Variants in MAGI3 observed in about 807,000 individuals in gnomAD.
MAGI3 encodes the protein membrane associated guanylate kinase, WW and PDZ domain containing 3, also known as membrane-associated guanylate kinase, WW and PDZ domain-containing protein 3.
MAGI3 carries 43 observed loss-of-function variants against 121.8 expected under a neutral mutation model. That is an observed-to-expected ratio of 0.35 (90% CI 0.28 to 0.46). MAGI3 has a LOEUF of 0.46. Among genes scored for constraint, MAGI3 ranks in the 20% least tolerant of loss-of-function variants. MAGI3 has a pLI of 1.00. For missense variants in MAGI3, 1,547 were observed against 1,797.3 expected, an observed-to-expected ratio of 0.86 and a Z score of 2.52; for synonymous variants, 553 against 639.3, an observed-to-expected ratio of 0.86 and a Z score of 2.04.
chr1:113,518,736 G>T (rs1207990791), intron 1 of MAGI3, among the ~76,000 whole-genome samples: 1 of 151,984 alleles, frequency 6.6e-6, no homozygotes, highest in African/African-American at 2.4e-5. Flanking sequence ...TTCTGTAATA[G>T]AAAAACATGT....
intron 16 of MAGI3, among the ~76,000 whole-genome samples, chr1:113,668,818 A>G (rs1415435011): frequency 3.3e-5 from 5 of 151,078 alleles, no homozygotes; most frequent in African/African-American, 1.2e-4. Context: ...TCCTGACCTC[A>G]TGATCCACCC....
intron 9 of MAGI3, 110 bp downstream of exon 9, chr1:113,623,104 A>G: frequency 1.3e-6 from 1 of 742,934 alleles, no homozygotes; most frequent in African/African-American, 1.9e-5. Flanking sequence ...ATATAACTAA[A>G]GAAAGAGATT....
At chr1:113,624,439 T>C (rs1443331704) in intron 9 of MAGI3, among the ~76,000 whole-genome samples, 1 of 152,256 alleles carries the variant, frequency 6.6e-6, no homozygotes, top group Non-Finnish European at 1.5e-5. Context: ...TGCTTTTGAT[T>C]TGTATTTATC....
At chr1:113,451,837 A>G (rs1654499968) in intron 1 of MAGI3, among the ~76,000 whole-genome samples, 1 of 152,194 alleles carries the variant, frequency 6.6e-6, no homozygotes, top group South Asian at 2.1e-4. Context: ...TGTGATGTTA[A>G]TTGCTATGGC....
At chr1:113,640,344 C>T (rs950035088) in intron 9 of MAGI3, among the ~76,000 whole-genome samples, 1 of 152,056 alleles carries the variant, frequency 6.6e-6, no homozygotes, top group Non-Finnish European at 1.5e-5. Context: ...GATCTTGAAC[C>T]AGAAATACCA....
At chr1:113,574,586 T>C (rs1337848457) in intron 2 of MAGI3, among the ~76,000 whole-genome samples, 1 of 152,216 alleles carries the variant, frequency 6.6e-6, no homozygotes, top group African/African-American at 2.4e-5. Flanking sequence ...CCTTTGTAGG[T>C]AGTCTGACCT....
At chr1:113,589,709 G>A (rs1436411644) in intron 4 of MAGI3, among the ~76,000 whole-genome samples, 1 of 152,020 alleles carries the variant, frequency 6.6e-6, no homozygotes, top group Non-Finnish European at 1.5e-5. Flanking sequence ...GCCATTGCCT[G>A]CAATTTGAAG....
intron 1 of MAGI3, among the ~76,000 whole-genome samples, chr1:113,411,072 A>G (rs2101333331): frequency 6.6e-6 from 1 of 152,310 alleles, no homozygotes; most frequent in East Asian, 1.9e-4. Context: ...CATTTTAAAA[A>G]GTTGAATCAG....
intron 16 of MAGI3, among the ~76,000 whole-genome samples, chr1:113,666,620 T>A (rs1654056306): frequency 6.6e-6 from 1 of 152,240 alleles, no homozygotes; most frequent in South Asian, 2.1e-4. Flanking sequence ...CCATGGGAAC[T>A]AGAATCAAAT....
chr1:113,505,189 G>T (rs1294147458), intron 1 of MAGI3, among the ~76,000 whole-genome samples: 1 of 152,102 alleles, frequency 6.6e-6, no homozygotes, highest in Non-Finnish European at 1.5e-5. Context: ...CAAAGAGCAA[G>T]TCAAGACTCA....
intron 9 of MAGI3, among the ~76,000 whole-genome samples, chr1:113,639,365 C>T (rs1005309110): frequency 2.6e-5 from 4 of 152,142 alleles, no homozygotes; most frequent in Admixed American, 1.3e-4. Flanking sequence ...TGTTCCTATT[C>T]GGCCATCTCG....
intron 2 of MAGI3, among the ~76,000 whole-genome samples, chr1:113,552,008 T>C (rs897969302): frequency 6.6e-6 from 1 of 152,140 alleles, no homozygotes; most frequent in African/African-American, 2.4e-5. Context: ...CTACGAAATA[T>C]AAGGTAATCA....
At chr1:113,419,520 G>A (rs1291813811) in intron 1 of MAGI3, among the ~76,000 whole-genome samples, 1 of 152,168 alleles carries the variant, frequency 6.6e-6, no homozygotes, top group African/African-American at 2.4e-5. Context: ...AGGCATCTTT[G>A]TTGGAGAGAA....
chr1:113,559,487 A>C (rs1218437140), intron 2 of MAGI3, among the ~76,000 whole-genome samples: 1 of 152,244 alleles, frequency 6.6e-6, no homozygotes, highest in Non-Finnish European at 1.5e-5. Context: ...ATAATGGTAA[A>C]GGGTTCAATT....
chr1:113,429,587 A>G (rs893203884), intron 1 of MAGI3, among the ~76,000 whole-genome samples: 16 of 152,178 alleles, frequency 1.1e-4, no homozygotes, highest in Non-Finnish European at 2.1e-4. Context: ...GTGAAGTTAC[A>G]TAGTTACACC....
At chr1:113,606,840 T>C (rs1195190601) in intron 6 of MAGI3, among the ~76,000 whole-genome samples, 1 of 152,196 alleles carries the variant, frequency 6.6e-6, no homozygotes. Context: ...CTTTTTCTTT[T>C]TTCTCTTTTT....
chr1:113,580,769 T>TC, intron 3 of MAGI3, 108 bp downstream of exon 3: 1 of 1,111,708 alleles, frequency 9.0e-7, no homozygotes, highest in Non-Finnish European at 1.2e-6. Flanking sequence ...AAACTTTTTT[T>TC]CCTCTCTGTT....
intron 9 of MAGI3, among the ~76,000 whole-genome samples, chr1:113,629,770 C>A: frequency 8.2e-6 from 1 of 121,964 alleles, no homozygotes; most frequent in African/African-American, 3.4e-5. Context: ...CTCCCTCCCT[C>A]CCTCCCTCCC....
intron 5 of MAGI3, 32 bp downstream of exon 5, chr1:113,590,690 C>T: frequency 6.4e-7 from 1 of 1,573,410 alleles, no homozygotes; most frequent in Non-Finnish European, 8.6e-7. Context: ...TTCTAATGTG[C>T]CCTAACATGT....
Sources: gnomAD v4.1 joint callset for allele counts (sites outside exome capture counted in the v4.1 genomes callset) on GRCh38, gnomAD v4.1.1 for gene constraint, MANE v1.5 for transcripts, NCBI Gene and HGNC (gene_info 2026-07-23, HGNC 2026-07-21) for gene names.